Variants in ARFGEF1 observed in about 807,000 individuals in gnomAD.
The protein encoded by ARFGEF1 is brefeldin A-inhibited guanine nucleotide-exchange protein 1.
In ARFGEF1, 42 loss-of-function variants were observed where a neutral mutation model predicts 231.0. The ratio of observed to expected loss-of-function variants is 0.18; its 90% CI spans 0.14 to 0.24. ARFGEF1 has a LOEUF of 0.24. ARFGEF1 is among the 10% of genes least tolerant of loss of function. The probability of loss-of-function intolerance (pLI) is 1.00; values close to 1 mark genes in which losing one functional copy is unlikely to be tolerated. For missense variants in ARFGEF1, 1,345 were observed against 2,192.0 expected (o/e 0.61, Z 7.72); for synonymous variants, 710 against 732.3 (o/e 0.97, Z 0.49).
chr8:67,207,958 T>C (rs570245696), intron 34 of ARFGEF1, among the ~76,000 whole-genome samples: 2 of 152,336 alleles, frequency 1.3e-5, no homozygotes, highest in African/African-American at 4.8e-5. Context: ...CAGGAAAAAG[T>C]AGCCAAGTGC....
intron 5 of ARFGEF1, among the ~76,000 whole-genome samples, chr8:67,192,500 C>G (rs997094206): frequency 3.9e-5 from 6 of 152,114 alleles, no homozygotes; most frequent in African/African-American, 1.4e-4. Context: ...ATCTTTTTAA[C>G]TTTCTTGATG....
chr8:67,178,316 T>C (rs964150006), intron 5 of ARFGEF1, among the ~76,000 whole-genome samples: 1 of 146,900 alleles, frequency 6.8e-6, no homozygotes, highest in Non-Finnish European at 1.6e-5. Context: ...CACCCACCTG[T>C]ATCCTGAGGG....
intron 19 of ARFGEF1, among the ~76,000 whole-genome samples, chr8:67,246,386 T>G (rs1468590350): frequency 6.7e-6 from 1 of 150,230 alleles, no homozygotes; most frequent in Non-Finnish European, 1.5e-5. Flanking sequence ...TGAAAACACT[T>G]TAAACAAGTG....
At chr8:67,269,290 A>T (rs1034838262) in intron 10 of ARFGEF1, among the ~76,000 whole-genome samples, 1 of 151,956 alleles carries the variant, frequency 6.6e-6, no homozygotes, top group African/African-American at 2.4e-5. Flanking sequence ...TCATGTAAAA[A>T]CAATCTTAAT....
At chr8:67,224,500 G>GA (rs1160672717) in intron 29 of ARFGEF1, among the ~76,000 whole-genome samples, 1 of 152,046 alleles carries the variant, frequency 6.6e-6, no homozygotes. Flanking sequence ...GTTACAAAAA[G>GA]AAATGGTTCT....
chr8:67,239,037 C>CAAA, intron 20 of ARFGEF1, 144 bp from the exon 21 acceptor site: 1 of 643,966 alleles, frequency 1.6e-6, no homozygotes, highest in Non-Finnish European at 2.3e-6. Context: ...GACAGAGTCT[C>CAAA]ACCCTGTCGC....
chr8:67,343,177 G>A lies in ARFGEF1; in HGVS notation c.111C>T (p.Cys37=). The A allele has an allele frequency of 6.8e-7, 1 of 1,460,882 alleles. No individual in the cohort carries two copies. The allele number at this position is 1,460,882 out of a possible 1,614,324, so 90.5% of individuals were successfully genotyped here. The stretch of plus-strand genomic sequence containing the variant: ...CTCCCCGCTCACCTAACGCCACCTC[G>A]CAAGCTTTGCGCAGCTGGGAGTGAT... ...KAHHSQLRKA[C]EVALEEIKAE... The change falls in exon 1 of 39, where the codon TGC becomes TGT. Residue 37 remains cysteine, a synonymous_variant. Transcript: ENST00000262215.
chr8:67,181,074 G>T (rs1388487364), intron 5 of ARFGEF1, among the ~76,000 whole-genome samples: 3 of 151,578 alleles, frequency 2.0e-5, no homozygotes, highest in Non-Finnish European at 4.4e-5. Flanking sequence ...GTCTTGCTCT[G>T]TCGCCCAGGC....
At position 67,218,056 on chromosome 8, in the gene ARFGEF1, C is replaced by T. The variant is rs1838998321; in HGVS notation, c.4421G>A (p.Ser1474Asn). 1 of 1,611,624 alleles carries T rather than the reference C, an allele frequency of 6.2e-7. No homozygotes were observed. The highest frequency in any genetic ancestry group is 1.3e-5 in the African/African-American group (1 of 74,728). Residue 1474 changes from serine (S) to asparagine (N), a missense_variant, in exon 31 of 39, where the codon AGT becomes AAT. Physicochemically the swap from Ser to Asn is conservative, Grantham distance 46. Transcript: ENST00000262215. ...AAAAATGTCATCCAAAAGTACATCACTGAGTACTTCTAAATACTGAGTGAA... is the reference window on the plus strand; with the variant it reads ...AAAAATGTCATCCAAAAGTACATCATTGAGTACTTCTAAATACTGAGTGAA... ...DVFTQYLEVLSDVLLDDIFAQ... is the reference protein window; with the variant it reads ...DVFTQYLEVLNDVLLDDIFAQ...
At chr8:67,224,810 G>T in intron 29 of ARFGEF1, 93 bp downstream of exon 29, 1 of 827,522 alleles carries the variant, frequency 1.2e-6, no homozygotes, top group Non-Finnish European at 1.7e-6. Flanking sequence ...TGATTTTATG[G>T]TCTTTAACTG....
chr8:67,176,704 C>T (rs140589773), intron 5 of ARFGEF1, among the ~76,000 whole-genome samples: 147 of 152,252 alleles, frequency 9.7e-4, no homozygotes, highest in African/African-American at 3.4e-3. Context: ...CATTTTAGCA[C>T]TGAAGGTATC....
At chr8:67,271,025 C>CAAAAAAAAAA (rs36063944) in intron 10 of ARFGEF1, among the ~76,000 whole-genome samples, 1 of 36,094 alleles carries the variant, frequency 2.8e-5, no homozygotes, top group Non-Finnish European at 5.1e-5. Context: ...ACTCCATCTC[C>CAAAAAAAAAA]AAAAAAAAAA....
intron 5 of ARFGEF1, chr8:67,177,643 G>C (rs545071263): frequency 1.4e-6 from 2 of 1,458,722 alleles, no homozygotes; most frequent in Middle Eastern, 1.7e-4. Flanking sequence ...AGCATTTTCT[G>C]ACCTTTTAAT....
In ARFGEF1 at chr8:67,319,380, TA is replaced by T. The variant is rs370644385; in HGVS notation, c.125-16915del. ...AAGACAGAAACACAGATCAATGGAA[TA>T]GAGTCCAGACACAGACCCACAGAAC... On this transcript the variant is annotated intron_variant, in intron 1 of 38. Coordinates refer to ENST00000262215, the MANE Select transcript of ARFGEF1 (RefSeq NM_006421.5). Among the ~76,000 whole-genome samples the T allele has an allele frequency of 1.3e-3, 204 of 152,072 alleles. 2 individuals carry two copies. The highest frequency in any genetic ancestry group is 4.7e-3 in the African/African-American group (197 of 41,502).
At chr8:67,205,622 C>T (rs959830864) in intron 34 of ARFGEF1, among the ~76,000 whole-genome samples, 1 of 152,014 alleles carries the variant, frequency 6.6e-6, no homozygotes, top group Non-Finnish European at 1.5e-5. Flanking sequence ...TCTGGGAAGC[C>T]GAGGCAGTTG....
chr8:67,192,133 C>T (rs1836498885), intron 5 of ARFGEF1, among the ~76,000 whole-genome samples: 1 of 147,396 alleles, frequency 6.8e-6, no homozygotes, highest in African/African-American at 2.5e-5. Flanking sequence ...ATTGCAGTGG[C>T]GTGATCTCAG....
At chr8:67,276,564 C>A (rs1805322343) in intron 8 of ARFGEF1, among the ~76,000 whole-genome samples, 1 of 152,056 alleles carries the variant, frequency 6.6e-6, no homozygotes, top group Non-Finnish European at 1.5e-5. Flanking sequence ...AAATATGGGA[C>A]ACTTAGTGGA....
At chr8:67,178,794 AG>A (rs1162048887) in intron 5 of ARFGEF1, among the ~76,000 whole-genome samples, 4 of 152,150 alleles carry the variant, frequency 2.6e-5, no homozygotes, top group Non-Finnish European at 4.4e-5. Context: ...CACATGGGGC[AG>A]GGGGTGACGA....
chr8:67,309,584 C>T (rs1184716632), intron 1 of ARFGEF1, among the ~76,000 whole-genome samples: 2 of 152,204 alleles, frequency 1.3e-5, no homozygotes, highest in South Asian at 2.1e-4. Context: ...CTAAAGCCAT[C>T]TGTTTTGAGT....
Sources: gnomAD v4.1 joint callset for allele counts (sites outside exome capture counted in the v4.1 genomes callset) on GRCh38, gnomAD v4.1.1 for gene constraint, MANE v1.5 for transcripts, NCBI Gene and HGNC (gene_info 2026-07-23, HGNC 2026-07-21) for gene names.